SLC2A13: variants seen among roughly 807,000 people sequenced by gnomAD.
SLC2A13 encodes the protein solute carrier family 2 member 13, also known as proton myo-inositol cotransporter.
Under a neutral mutation model 64.4 loss-of-function variants are expected in SLC2A13, and 32 were observed. The observed-to-expected ratio is 0.50, with a 90% CI of 0.37 to 0.67. The LOEUF (loss-of-function observed/expected upper bound fraction) is 0.67. SLC2A13 is among the 30% of genes least tolerant of loss of function. SLC2A13 has a pLI of 0.00. For missense variants in SLC2A13, 743 were observed against 829.2 expected (o/e 0.90, Z 1.28); for synonymous variants, 338 against 327.1 (o/e 1.03, Z -0.36).
chr12:39,764,713 C>G lies in SLC2A13; in HGVS notation c.1567+24G>C, dbSNP rs1423151897. On this transcript the variant is annotated intron_variant, in intron 8 of 9. Transcript: ENST00000280871. ...AAAAGAGGCAATTCAATTAATGCAA[C>G]AGTATAACAAAGTCTTTGTTTACCA... is the stretch of plus-strand genomic sequence containing the variant. 14 of 1,606,534 alleles carry G rather than the reference C, an allele frequency of 8.7e-6. No individual in the cohort carries two copies. In the East Asian group the frequency reaches 8.9e-5, roughly 10 times the overall value.
At chr12:40,099,191 T>C (rs1015236733) in intron 1 of SLC2A13, among the ~76,000 whole-genome samples, 6 of 152,332 alleles carry the variant, frequency 3.9e-5, no homozygotes, top group African/African-American at 1.2e-4. Flanking sequence ...TGGGAAAAGT[T>C]TGAGGTTTTT....
intron 6 of SLC2A13, among the ~76,000 whole-genome samples, chr12:39,859,882 T>C (rs1366562178): frequency 6.6e-6 from 1 of 152,152 alleles, no homozygotes; most frequent in Non-Finnish European, 1.5e-5. Context: ...TAGTCCCTTT[T>C]GTCAATTTCT....
chr12:39,777,791 G>A (rs1940829363), intron 7 of SLC2A13, among the ~76,000 whole-genome samples: 1 of 152,178 alleles, frequency 6.6e-6, no homozygotes. Flanking sequence ...GCAGTCGGAT[G>A]AGAGCCCAGT....
At chr12:40,091,163 A>G (rs530413464) in intron 1 of SLC2A13, among the ~76,000 whole-genome samples, 1 of 152,310 alleles carries the variant, frequency 6.6e-6, no homozygotes, top group Admixed American at 6.5e-5. Flanking sequence ...GAAAAGGTAC[A>G]GTAAAAATGC....
At chr12:40,063,025 T>G (rs1236864833) in intron 1 of SLC2A13, among the ~76,000 whole-genome samples, 1 of 152,126 alleles carries the variant, frequency 6.6e-6, no homozygotes, top group Non-Finnish European at 1.5e-5. Flanking sequence ...ATATCATTTA[T>G]CCAGCATCTA....
intron 4 of SLC2A13, among the ~76,000 whole-genome samples, chr12:39,896,381 T>C (rs1164100120): frequency 1.5e-5 from 2 of 137,798 alleles, no homozygotes; most frequent in South Asian, 2.2e-4. Flanking sequence ...TACATATATG[T>C]ATGTATATGT....
intron 7 of SLC2A13, among the ~76,000 whole-genome samples, chr12:39,812,362 CT>C (rs200584302): frequency 1.4e-4 from 20 of 145,768 alleles, no homozygotes; most frequent in South Asian, 4.4e-4. Flanking sequence ...CTTTTCTTTT[CT>C]TTTCTTTTCT....
chr12:39,887,470 A>T (rs1944496750), intron 4 of SLC2A13, among the ~76,000 whole-genome samples: 1 of 152,168 alleles, frequency 6.6e-6, no homozygotes, highest in African/African-American at 2.4e-5. Context: ...AGTGGAATGT[A>T]AAAAAGGGAC....
At chr12:39,925,068 C>T (rs899042647) in intron 4 of SLC2A13, among the ~76,000 whole-genome samples, 5 of 138,840 alleles carry the variant, frequency 3.6e-5, no homozygotes, top group African/African-American at 1.3e-4. Context: ...AAGAGTCTCA[C>T]TCTGCCACCC....
At chr12:39,814,395 A>G (rs1942280741) in intron 7 of SLC2A13, among the ~76,000 whole-genome samples, 3 of 152,190 alleles carry the variant, frequency 2.0e-5, no homozygotes, top group South Asian at 2.1e-4. Context: ...GAAAACATCT[A>G]TTCCTTTAAG....
At chr12:40,089,914 G>C (rs1306089619) in intron 1 of SLC2A13, among the ~76,000 whole-genome samples, 1 of 152,068 alleles carries the variant, frequency 6.6e-6, no homozygotes, top group Non-Finnish European at 1.5e-5. Flanking sequence ...CTGAAGGACT[G>C]AGCGCTTGAT....
chr12:39,978,253 T>C (rs565098727), intron 3 of SLC2A13, among the ~76,000 whole-genome samples: 1 of 152,336 alleles, frequency 6.6e-6, no homozygotes, highest in South Asian at 2.1e-4. Context: ...GAACTCTTAA[T>C]TGGTGAAGAA....
Position 39,864,862 on chromosome 12 carries a change from T to G in SLC2A13, c.1219A>C (p.Ile407Leu). ...SLAGTTVALI[I>L]LALGFVLSAQ... ...GATAGCACAAATCCCAAGGCAAGAA[T>G]AATGAGTGCTACGGTGGTACCTTAA... The change falls in exon 6 of 10, where the codon ATT becomes CTT. Residue 407 changes from isoleucine to leucine, a missense_variant. By Grantham distance (5) the Ile-to-Leu change is conservative (BLOSUM62 2). Coordinates refer to ENST00000280871, the MANE Select transcript of SLC2A13 (RefSeq NM_052885.4). 6.2e-7 allele frequency: 1 copy of G among 1,613,380 alleles called. No homozygotes were observed. The highest frequency in any genetic ancestry group is 8.5e-7 in the Non-Finnish European group (1 of 1,179,828).
intron 2 of SLC2A13, among the ~76,000 whole-genome samples, chr12:40,033,437 T>C (rs951691022): frequency 1.4e-4 from 21 of 152,204 alleles, no homozygotes; most frequent in African/African-American, 5.1e-4. Context: ...GAGCTGTCAC[T>C]CCTAATTGTG....
chr12:39,975,904 T>C (rs1206058887), intron 3 of SLC2A13, among the ~76,000 whole-genome samples: 1 of 152,238 alleles, frequency 6.6e-6, no homozygotes, highest in Non-Finnish European at 1.5e-5. Flanking sequence ...ATTCTTAAAG[T>C]TGAAGATTCT....
At chr12:39,784,462 C>G (rs1402042687) in intron 7 of SLC2A13, among the ~76,000 whole-genome samples, 1 of 152,146 alleles carries the variant, frequency 6.6e-6, no homozygotes, top group Non-Finnish European at 1.5e-5. Context: ...CTGACGAAAG[C>G]AAGAAATGGG....
At position 40,048,072 on chromosome 12, in the gene SLC2A13, T is replaced by C. The variant is rs368001135; in HGVS notation, c.695A>G (p.Tyr232Cys). Reference sequence around the variant, plus strand: ...AAACCTCCATCCATCCTTCTGGAGATAACTGAAGGCTCCATCAACAACACT... The same window carrying C: ...AAACCTCCATCCATCCTTCTGGAGACAACTGAAGGCTCCATCAACAACACT... The part of the protein sequence containing the change: ...FASVVDGAFS[Y>C]LQKDGWRYML... Residue 232 changes from tyrosine to cysteine, a missense_variant, in exon 2 of 10, where the codon TAT (tyrosine) becomes TGT (cysteine). Physicochemically the swap from Tyr to Cys is radical, Grantham distance 194. Coordinates refer to ENST00000280871, the MANE Select transcript of SLC2A13 (RefSeq NM_052885.4). 1.6e-5 allele frequency: 25 copies of C among 1,610,824 alleles called. No individual in the cohort carries two copies. The highest frequency in any genetic ancestry group is 5.4e-5 in the African/African-American group (4 of 74,752).
At chr12:39,961,221 G>T (rs192665249) in intron 3 of SLC2A13, among the ~76,000 whole-genome samples, 1 of 151,934 alleles carries the variant, frequency 6.6e-6, no homozygotes, top group East Asian at 1.9e-4. Flanking sequence ...GGAACTACAG[G>T]TGCACGCCAC....
chr12:39,896,585 T>C (rs916734423), intron 4 of SLC2A13, among the ~76,000 whole-genome samples: 73 of 150,254 alleles, frequency 4.9e-4, no homozygotes, highest in Admixed American at 8.6e-4. Flanking sequence ...TGTGTGTATA[T>C]ATGTATACAT....
Sources: gnomAD v4.1 joint callset for allele counts (sites outside exome capture counted in the v4.1 genomes callset) on GRCh38, gnomAD v4.1.1 for gene constraint, MANE v1.5 for transcripts, NCBI Gene and HGNC (gene_info 2026-07-23, HGNC 2026-07-21) for gene names.